PHGDH: variants seen among roughly 807,000 people sequenced by gnomAD.
PHGDH encodes the protein D-3-phosphoglycerate dehydrogenase.
PHGDH carries 50 observed loss-of-function variants against 52.6 expected under a neutral mutation model. The ratio of observed to expected loss-of-function variants is 0.95; its 90% CI spans 0.76 to 1.20. The LOEUF (loss-of-function observed/expected upper bound fraction) is 1.20, where lower values mean the gene tolerates loss of function less well. Ranked by LOEUF, PHGDH falls within the 50% of genes most tolerant of loss-of-function variation. The pLI is 0.00. For synonymous variants in PHGDH, 271 were observed against 280.5 expected (o/e 0.97, Z 0.34); for missense variants, 630 against 684.6 (o/e 0.92, Z 0.89).
At chr1:119,743,606 A>G (rs1652311005) in intron 11 of PHGDH, among the ~76,000 whole-genome samples, 1 of 152,202 alleles carries the variant, frequency 6.6e-6, no homozygotes, top group Non-Finnish European at 1.5e-5. Context: ...GCCCAAGGGA[A>G]CTTCCCTGCT....
chr1:119,712,432 A>G (rs969401839), intron 1 of PHGDH: 14 of 436,596 alleles, frequency 3.2e-5, no homozygotes, highest in Non-Finnish European at 5.1e-5. Flanking sequence ...GGCTGCTCCA[A>G]CTGGTCCTGC....
chr1:119,716,500 G>C (rs929580453), intron 1 of PHGDH, among the ~76,000 whole-genome samples: 1 of 152,152 alleles, frequency 6.6e-6, no homozygotes, highest in Non-Finnish European at 1.5e-5. Flanking sequence ...TGCAAGGTTT[G>C]GGGAGCATTT....
chr1:119,739,125 T>G (rs979339916), intron 8 of PHGDH, among the ~76,000 whole-genome samples: 1 of 152,210 alleles, frequency 6.6e-6, no homozygotes, highest in African/African-American at 2.4e-5. Flanking sequence ...TGTCCCAAAG[T>G]GCCTGACTCC....
In PHGDH at chr1:119,726,841, A is replaced by G. The variant is rs773131387; in HGVS notation, c.357-10A>G. ...GAATGGACCCTCTGAACCTGTGTCT[A>G]TCCTTGCAGGCAGATTCCCCAGGCG... On this transcript the variant is annotated splice_polypyrimidine_tract_variant and intron_variant, in intron 3 of 11. Transcript: ENST00000641023. 7 of 1,613,108 alleles carry G rather than the reference A, an allele frequency of 4.3e-6. No homozygotes were observed. Among genetic ancestry groups the G allele is most frequent in the African/African-American group, 2.7e-5 (2 of 74,902 alleles).
At chr1:119,736,304 C>T (rs1651931322) in intron 7 of PHGDH, among the ~76,000 whole-genome samples, 1 of 152,174 alleles carries the variant, frequency 6.6e-6, no homozygotes, top group Non-Finnish European at 1.5e-5. Context: ...TCACCATCCT[C>T]CCTAACACAG....
At chr1:119,742,051 A>T (rs1652234538) in intron 10 of PHGDH, 154 bp downstream of exon 10, 1 of 680,470 alleles carries the variant, frequency 1.5e-6, no homozygotes, top group Non-Finnish European at 2.6e-6. Flanking sequence ...CTTCAACTGC[A>T]AAATGAAGAT....
At chr1:119,734,379 C>T in intron 5 of PHGDH, 2 of 462,832 alleles carry the variant, frequency 4.3e-6, no homozygotes, top group East Asian at 9.2e-5. Context: ...AGCTCTCAAG[C>T]AGACAAGAAC....
chr1:119,732,177 C>T (rs1275220143), intron 5 of PHGDH, among the ~76,000 whole-genome samples: 3 of 152,186 alleles, frequency 2.0e-5, no homozygotes, highest in Non-Finnish European at 4.4e-5. Flanking sequence ...GGGAGGCCTC[C>T]TTGCTCTCCT....
At chr1:119,714,595 G>C (rs1042806683) in intron 1 of PHGDH, 3 of 152,240 alleles carry the variant, frequency 2.0e-5, no homozygotes, top group African/African-American at 7.2e-5. Flanking sequence ...GGCCGGGCGC[G>C]GTGGCTCACG....
chr1:119,725,500 G>C (rs982449866), intron 3 of PHGDH, among the ~76,000 whole-genome samples: 1 of 152,208 alleles, frequency 6.6e-6, no homozygotes, highest in Non-Finnish European at 1.5e-5. Flanking sequence ...GCAAGTCCCT[G>C]TCCTTATTAC....
chr1:119,717,129 G>A (rs1053131717), intron 1 of PHGDH, among the ~76,000 whole-genome samples: 3 of 147,762 alleles, frequency 2.0e-5, no homozygotes, highest in Non-Finnish European at 3.0e-5. Flanking sequence ...CTACTCGGGA[G>A]GCTGAAGCAG....
At chr1:119,716,774 A>G (rs1467918857) in intron 1 of PHGDH, among the ~76,000 whole-genome samples, 3 of 152,086 alleles carry the variant, frequency 2.0e-5, no homozygotes, top group Non-Finnish European at 4.4e-5. Flanking sequence ...CCAATTTTCT[A>G]AGGTGTCAGT....
intron 1 of PHGDH, 90 bp from the exon 2 acceptor site, chr1:119,721,080 C>T: frequency 1.6e-6 from 2 of 1,214,144 alleles, no homozygotes; most frequent in Non-Finnish European, 2.5e-6. Flanking sequence ...GGAAATGCAT[C>T]TCTTACTCAG....
rs1481113450 is a variant in PHGDH at position 119,743,831 on chromosome 1, C to T, written c.1448-55C>T. 5.1e-6 allele frequency: 7 copies of T among 1,382,194 alleles called. No individual in the cohort carries two copies. In the African/African-American group the frequency reaches 7.1e-5, roughly 14 times the overall value. 85.6% of individuals were successfully genotyped at this position (1,382,194 alleles called of 1,614,324 possible). On this transcript the variant is annotated intron_variant, in intron 11 of 11. Transcript: ENST00000641023. Reference sequence around the variant, plus strand: ...GAACTTCTGATTCTGCTCCCAATCCCTCGCTCCTTTTTCCCCTATCCCCTG... The same window carrying T: ...GAACTTCTGATTCTGCTCCCAATCCTTCGCTCCTTTTTCCCCTATCCCCTG...
intron 5 of PHGDH, among the ~76,000 whole-genome samples, chr1:119,732,153 G>C (rs1055458052): frequency 1.3e-5 from 2 of 152,202 alleles, no homozygotes; most frequent in Non-Finnish European, 2.9e-5. Flanking sequence ...TTCTTCTTCA[G>C]AGCCTCTTTA....
chr1:119,730,677 A>G (rs1651652881), intron 5 of PHGDH, among the ~76,000 whole-genome samples: 1 of 152,204 alleles, frequency 6.6e-6, no homozygotes, highest in African/African-American at 2.4e-5. Flanking sequence ...CATTCTCTCA[A>G]TGATGGGTAT....
intron 5 of PHGDH, among the ~76,000 whole-genome samples, chr1:119,728,665 C>A (rs587711795): frequency 6.6e-6 from 1 of 152,236 alleles, no homozygotes; most frequent in South Asian, 2.1e-4. Flanking sequence ...ATGAGAGAGG[C>A]AATTCAGCTA....
Position 119,741,839 on chromosome 1 carries a change from A to G in PHGDH, c.1151A>G (p.Lys384Arg), listed in dbSNP as rs1299589464. The change falls in exon 10 of 12, where the codon AAG becomes AGG. Residue 384 changes from lysine (K) to arginine (R), a missense_variant. Coordinates refer to ENST00000641023, the MANE Select transcript of PHGDH (RefSeq NM_006623.4). ...VIVGLLKEAS[K>R]QADVNLVNAK... ...GTCGGCCTCCTGAAAGAGGCTTCCAAGCAGGCGGATGTGAACTTGGTGAAC... is the reference window on the plus strand; with the variant it reads ...GTCGGCCTCCTGAAAGAGGCTTCCAGGCAGGCGGATGTGAACTTGGTGAAC... 3 of 1,613,842 alleles carry G rather than the reference A, an allele frequency of 1.9e-6. No homozygotes were observed. The Admixed American group carries it at 5.0e-5, about 27-fold the overall frequency.
At chr1:119,724,642 A>G (rs1204800103) in intron 3 of PHGDH, 9 of 374,114 alleles carry the variant, frequency 2.4e-5, no homozygotes, top group African/African-American at 1.9e-4. Context: ...GTTTCACTTC[A>G]GCTATTACCT....
Sources: allele counts gnomAD v4.1 joint callset (sites outside exome capture counted in the v4.1 genomes callset), GRCh38; gene constraint gnomAD v4.1.1; transcripts MANE v1.5; gene names NCBI Gene and HGNC (gene_info 2026-07-23, HGNC 2026-07-21).